The following RBPJ variants were observed in gnomAD, a reference collection of about 807,000 sequenced individuals.
RBPJ encodes the protein recombination signal binding protein for immunoglobulin kappa J region.
A neutral mutation model predicts 67.8 loss-of-function variants in RBPJ; 9 were observed. The ratio of observed to expected loss-of-function variants is 0.13; its 90% confidence interval spans 0.08 to 0.23. RBPJ has a LOEUF of 0.23. Among genes scored for constraint, RBPJ ranks in the 10% least tolerant of loss-of-function variants. The pLI is 1.00. For synonymous variants in RBPJ, 198 were observed against 203.3 expected, an observed-to-expected ratio of 0.97 and a Z score of 0.22; for missense variants, 305 against 595.6, an observed-to-expected ratio of 0.51 and a Z score of 5.08.
intron 1 of RBPJ, among the ~76,000 whole-genome samples, chr4:26,350,638 A>T (rs747100479): frequency 1.3e-5 from 2 of 152,210 alleles, no homozygotes; most frequent in Non-Finnish European, 2.9e-5. Flanking sequence ...AGAGGTGAGG[A>T]TGGAGGGCAT....
intron 1 of RBPJ, among the ~76,000 whole-genome samples, chr4:26,357,612 T>C (rs1184312853): frequency 6.6e-6 from 1 of 152,214 alleles, no homozygotes; most frequent in African/African-American, 2.4e-5. Flanking sequence ...CAATTTTAAA[T>C]TGTACAGTTT....
At chr4:26,142,665 C>G in the RBPJ span, among the ~76,000 whole-genome samples, 2 of 152,322 alleles carry the variant, frequency 1.3e-5, no homozygotes, top group South Asian at 4.1e-4. Context: ...TTGGGGTCAA[C>G]CTACAGACAC....
Position 26,223,141 on chromosome 4 carries a change from C to A in RBPJ, c.-167+59527C>A, listed in dbSNP as rs1005795157. Reference sequence around the variant, plus strand: ...TCGCACTCCAGCCTGGGCAACAGTGCGAGACACTGTCTCAAAAAAAAAAAA... The same window carrying A: ...TCGCACTCCAGCCTGGGCAACAGTGAGAGACACTGTCTCAAAAAAAAAAAA... On this transcript the variant is annotated intron_variant, in intron 1 of 4. Transcript: ENST00000512351. Among the ~76,000 whole-genome samples the A allele has an allele frequency of 2.9e-5, 4 of 140,160 alleles. No individual in the cohort carries two copies. The East Asian group carries it at 8.1e-4, about 28-fold the overall frequency. 92.0% of individuals were successfully genotyped at this position (140,160 alleles called of 152,430 possible). A position where few individuals can be genotyped will look rare whatever the true frequency, so the allele number is the denominator to read the frequency against.
At chr4:26,276,809 A>G (rs1360250660) in intron 1 of RBPJ, among the ~76,000 whole-genome samples, 1 of 152,244 alleles carries the variant, frequency 6.6e-6, no homozygotes, top group African/African-American at 2.4e-5. Flanking sequence ...CTCAAATTGT[A>G]TCTTTGAAGA....
chr4:26,316,533 A>ATG (rs1560258459), upstream of RBPJ, among the ~76,000 whole-genome samples: 10 of 4,316 alleles, frequency 2.3e-3, no homozygotes, highest in South Asian at 0.036. Flanking sequence ...ATATATATTC[A>ATG]TATATATATT....
intron 4 of RBPJ, among the ~76,000 whole-genome samples, chr4:26,418,672 CAA>C (rs756323462): frequency 1.3e-5 from 2 of 152,140 alleles, no homozygotes; most frequent in East Asian, 3.9e-4. Flanking sequence ...TTTTAACACT[CAA>C]AAGCCATCTC....
At chr4:26,326,127 A>C (rs898079174) in intron 1 of RBPJ, among the ~76,000 whole-genome samples, 1 of 152,166 alleles carries the variant, frequency 6.6e-6, no homozygotes, top group African/African-American at 2.4e-5. Context: ...ATGTGGCACA[A>C]TTTTAAAATT....
intron 1 of RBPJ, among the ~76,000 whole-genome samples, chr4:26,201,916 C>T (rs554705016): frequency 3.3e-5 from 5 of 152,320 alleles, no homozygotes; most frequent in East Asian, 1.9e-4. Context: ...ATGATACCCA[C>T]GAGCTACCTG....
At chr4:26,279,577 G>A (rs1363059539) in intron 1 of RBPJ, among the ~76,000 whole-genome samples, 2 of 152,078 alleles carry the variant, frequency 1.3e-5, no homozygotes, top group Non-Finnish European at 2.9e-5. Context: ...CGCCCGGCCT[G>A]TTTGATATTT....
intron 1 of RBPJ, among the ~76,000 whole-genome samples, chr4:26,259,143 G>A (rs1225170599): frequency 6.6e-6 from 1 of 152,072 alleles, no homozygotes; most frequent in East Asian, 1.9e-4. Context: ...AAAGTCAGAA[G>A]GAGTCAAAGC....
the RBPJ span, among the ~76,000 whole-genome samples, chr4:26,133,039 G>T: frequency 6.6e-6 from 1 of 152,254 alleles, no homozygotes; most frequent in African/African-American, 2.4e-5. Flanking sequence ...TCACACCTGA[G>T]CTTCAGCTCC....
At chr4:26,340,088 T>TA (rs1329846711) in intron 1 of RBPJ, among the ~76,000 whole-genome samples, 1 of 152,112 alleles carries the variant, frequency 6.6e-6, no homozygotes, top group Non-Finnish European at 1.5e-5. Context: ...TTACCAGTAC[T>TA]ATATGCTAGT....
chr4:26,175,197 G>T (rs1267456091), intron 1 of RBPJ, among the ~76,000 whole-genome samples: 1 of 152,172 alleles, frequency 6.6e-6, no homozygotes, highest in African/African-American at 2.4e-5. Context: ...TTCAATCCTG[G>T]TGGAAAAATT....
the RBPJ span, among the ~76,000 whole-genome samples, chr4:26,109,456 CTCTCTATATA>C: frequency 2.8e-3 from 52 of 18,676 alleles, 6 homozygotes; most frequent in African/African-American, 0.014. Flanking sequence ...CTCTCTCTCT[CTCTCTATATA>C]TATATATATA....
intron 1 of RBPJ, among the ~76,000 whole-genome samples, chr4:26,384,950 C>T (rs1374213277): frequency 4.7e-5 from 1 of 21,454 alleles, no homozygotes; most frequent in Non-Finnish European, 9.9e-5. Context: ...TCTCCCCTCC[C>T]CTCTCCCCTC....
At chr4:26,362,594 A>G (rs1384618268) in intron 1 of RBPJ, 1 of 1,613,858 alleles carries the variant, frequency 6.2e-7, no homozygotes, top group South Asian at 1.1e-5. Flanking sequence ...ACTTACCTTA[A>G]CATGTTCTTG....
intron 2 of RBPJ, among the ~76,000 whole-genome samples, chr4:26,391,371 G>A (rs150707914): frequency 7.3e-4 from 111 of 152,238 alleles, no homozygotes; most frequent in African/African-American, 2.6e-3. Context: ...GTCAAGGTGC[G>A]AAGGCAATTT....
intron 1 of RBPJ, among the ~76,000 whole-genome samples, chr4:26,339,511 G>A (rs886223344): frequency 6.6e-5 from 10 of 152,076 alleles, no homozygotes; most frequent in Non-Finnish European, 1.2e-4. Context: ...GTGGCCGCCT[G>A]TAATCCCAGT....
intron 1 of RBPJ, among the ~76,000 whole-genome samples, chr4:26,214,262 G>A (rs573547854): frequency 3.4e-4 from 18 of 52,368 alleles, no homozygotes; most frequent in African/African-American, 1.8e-3. Flanking sequence ...AAAGAGAGAC[G>A]AAAGAAAGAA....
Sources: gnomAD v4.1 joint callset for allele counts (sites outside exome capture counted in the v4.1 genomes callset) on GRCh38, gnomAD v4.1.1 for gene constraint, MANE v1.5 for transcripts, NCBI Gene and HGNC (gene_info 2026-07-23, HGNC 2026-07-21) for gene names.